The following BBS2 variants were observed in gnomAD, a reference collection of about 807,000 sequenced individuals.
The protein encoded by BBS2 is BBSome complex member BBS2.
A neutral mutation model predicts 83.0 loss-of-function variants in BBS2; 62 were observed. The observed-to-expected ratio is 0.75, with a 90% CI of 0.61 to 0.92. The LOEUF is 0.92. Among genes scored for constraint, BBS2 ranks in the 40% least tolerant of loss-of-function variants. The probability of loss-of-function intolerance (pLI) is 0.00; values close to 1 mark genes in which losing one functional copy is unlikely to be tolerated. For synonymous variants in BBS2, 303 were observed against 326.1 expected, an observed-to-expected ratio of 0.93 and a Z score of 0.76; for missense variants, 784 against 901.0, an observed-to-expected ratio of 0.87 and a Z score of 1.66.
chr16:56,507,692 GCATGGTGGCT>G (rs1964460154), intron 5 of BBS2, among the ~76,000 whole-genome samples: 1 of 152,152 alleles, frequency 6.6e-6, no homozygotes, highest in African/African-American at 2.4e-5. Flanking sequence ...CCCGGGCCAG[GCATGGTGGCT>G]CATGCCTGTA....
intron 17 of BBS2, chr16:56,474,740 G>A (rs937877314): frequency 4.4e-5 from 44 of 993,528 alleles, no homozygotes; most frequent in Non-Finnish European, 5.7e-5. Context: ...CTGTGTTGCT[G>A]TATCATTCCT....
chr16:56,492,370 C>T (rs572686496), intron 15 of BBS2, among the ~76,000 whole-genome samples: 23 of 152,150 alleles, frequency 1.5e-4, no homozygotes, highest in Non-Finnish European at 2.9e-4. Context: ...ACAACATGGA[C>T]GAACTCTGAG....
intron 17 of BBS2, among the ~76,000 whole-genome samples, chr16:56,474,562 T>C (rs546273763): frequency 2.0e-5 from 3 of 152,136 alleles, no homozygotes; most frequent in Admixed American, 2.0e-4. Flanking sequence ...TCAGGTGATC[T>C]GCCCACCTCA....
chr16:56,478,556 C>T (rs888683374), intron 17 of BBS2: 2 of 152,266 alleles, frequency 1.3e-5, no homozygotes, highest in Admixed American at 6.5e-5. Context: ...GGCATAACTT[C>T]AGGAAGACCC....
chr16:56,500,709 A>G (rs1460834839), intron 11 of BBS2, 145 bp downstream of exon 11: 27 of 756,756 alleles, frequency 3.6e-5, no homozygotes, highest in Non-Finnish European at 6.5e-6. Flanking sequence ...CTGAGGAAAT[A>G]AAAGGTCATG....
At chr16:56,518,792 A>T (rs913253588) in intron 1 of BBS2, among the ~76,000 whole-genome samples, 14 of 100,734 alleles carry the variant, frequency 1.4e-4, no homozygotes, top group Non-Finnish European at 2.5e-5. Flanking sequence ...GAAAGTAGGG[A>T]CTCCTTTTAC....
At position 56,498,506 on chromosome 16, in the gene BBS2, T is replaced by C. The variant is rs1296939877; in HGVS notation, c.1590A>G (p.Pro530=). 3.1e-6 allele frequency: 5 copies of C among 1,614,112 alleles called. No homozygotes were observed. The highest frequency in any genetic ancestry group is 4.2e-6 in the Non-Finnish European group (5 of 1,180,016). Residue 530 remains proline (P), a synonymous_variant, in exon 13 of 17, where the codon CCA becomes CCG. Transcript: ENST00000245157. ...LPEDTHIQNA[P]FQVCFTSLRN... ...GTAAAGATGTGAAACACACTTGAAATGGAGCATTCTGAATGTGAGTGTCTT... is the reference window on the plus strand; with the variant it reads ...GTAAAGATGTGAAACACACTTGAAACGGAGCATTCTGAATGTGAGTGTCTT...
Position 56,470,463 on chromosome 16 carries a change from C to T in BBS2, c.*233G>A, listed in dbSNP as rs1186909409. 5 of 1,575,972 alleles carry T rather than the reference C, an allele frequency of 3.2e-6. No homozygotes were observed. The Admixed American group carries it at 7.3e-5, about 23-fold the overall frequency. On this transcript the variant is annotated 3_prime_UTR_variant, in exon 18 of 18. Coordinates refer to the BBS2 transcript ENST00000682047. Reference sequence around the variant, plus strand: ...ATTTTACATCTGTGGCTTTGATGAACAACTTGACATTGCTGTTTTTCAGGT... The same window carrying T: ...ATTTTACATCTGTGGCTTTGATGAATAACTTGACATTGCTGTTTTTCAGGT...
chr16:56,511,022 T>G, intron 3 of BBS2, 101 bp from the exon 4 acceptor site: 1 of 1,558,264 alleles, frequency 6.4e-7, no homozygotes, highest in Non-Finnish European at 8.8e-7. Flanking sequence ...CACGAATGAA[T>G]GCTATTCGAA....
intron 12 of BBS2, chr16:56,499,029 C>A: frequency 7.8e-6 from 2 of 255,550 alleles, no homozygotes; most frequent in African/African-American, 2.3e-5. Context: ...ACAGATATAT[C>A]CACACAATAA....
At chr16:56,502,273 C>A in intron 9 of BBS2, 44 bp downstream of exon 9, 1 of 1,613,906 alleles carries the variant, frequency 6.2e-7, no homozygotes, top group Non-Finnish European at 8.5e-7. Context: ...TCAGTCTCAA[C>A]ATTTCAGCCT....
intron 9 of BBS2, chr16:56,501,875 T>C: frequency 2.8e-6 from 1 of 359,368 alleles, no homozygotes; most frequent in Non-Finnish European, 5.2e-6. Flanking sequence ...ACACACACAG[T>C]TTTTACAGTT....
chr16:56,481,781 A>G (rs79691639), downstream of BBS2, among the ~76,000 whole-genome samples: 1,149 of 152,294 alleles, frequency 7.5e-3, 8 homozygotes, highest in African/African-American at 0.027. Flanking sequence ...GGGGGAAAAA[A>G]GGTAGTTGCA....
At chr16:56,502,883 A>G in intron 7 of BBS2, 75 bp from the exon 8 acceptor site, 1 of 1,545,710 alleles carries the variant, frequency 6.5e-7, no homozygotes. Context: ...AATAAAAATC[A>G]GCTTTAAAGG....
At chr16:56,476,339 T>A in intron 17 of BBS2, 1 of 718,842 alleles carries the variant, frequency 1.4e-6, no homozygotes, top group Non-Finnish European at 2.2e-6. Context: ...TGTCTTTTAC[T>A]AGGACTCATA....
rs190289997 is a variant in BBS2 at position 56,500,803 on chromosome 16, G to T, written c.1397+51C>A. On this transcript the variant is annotated intron_variant, in intron 11 of 16. Transcript: ENST00000245157. ...GGCATATGGAAAATTTATACATCTT[G>T]CCCTCCTCTAAGTGCTGTCCTGAAA... 8.8e-6 allele frequency: 14 copies of T among 1,587,524 alleles called. No individual in the cohort carries two copies. In the Admixed American group the frequency reaches 2.2e-4, roughly 25 times the overall value.
chr16:56,486,039 C>G (rs1597002141), intron 15 of BBS2, among the ~76,000 whole-genome samples: 1 of 152,164 alleles, frequency 6.6e-6, no homozygotes, highest in East Asian at 1.9e-4. Context: ...AAGGTGACAG[C>G]CCACCTTCCA....
intron 17 of BBS2, chr16:56,470,829 AC>A (rs1963136620): frequency 6.7e-7 from 1 of 1,491,114 alleles, no homozygotes; most frequent in African/African-American, 1.4e-5. Flanking sequence ...CTTACCATTA[AC>A]CATTCACCAT....
At chr16:56,478,118 T>C (rs978733517) in intron 17 of BBS2, 3 of 152,204 alleles carry the variant, frequency 2.0e-5, no homozygotes, top group Non-Finnish European at 4.4e-5. Flanking sequence ...CCCCTATGCA[T>C]ATGGTAACGA....
Sources: allele counts gnomAD v4.1 joint callset (sites outside exome capture counted in the v4.1 genomes callset), GRCh38; gene constraint gnomAD v4.1.1; transcripts MANE v1.5; gene names NCBI Gene and HGNC (gene_info 2026-07-23, HGNC 2026-07-21).